The following MEIOC variants were observed in gnomAD, a reference collection of about 807,000 sequenced individuals.
MEIOC encodes meiosis specific with coiled-coil domain.
Under a neutral mutation model 85.3 loss-of-function variants are expected in MEIOC, and 9 were observed. The observed-to-expected ratio is 0.11, with a 90% CI of 0.06 to 0.18. The LOEUF is 0.18. Ranked by LOEUF, MEIOC falls within the 10% of genes least tolerant of loss-of-function variation. The probability of loss-of-function intolerance (pLI) is 1.00; values close to 1 mark genes in which losing one functional copy is unlikely to be tolerated. For synonymous variants in MEIOC, 365 were observed against 393.7 expected, an observed-to-expected ratio of 0.93 and a Z score of 0.86; for missense variants, 898 against 1,129.4, an observed-to-expected ratio of 0.80 and a Z score of 2.94.
In MEIOC at chr17:44,674,211, AAAG is replaced by A. The variant is rs755105809; in HGVS notation, c.*21_*23del. ...ACAAACATTAAGGAAATGCCAGCAG[AAAG>A]AAGAATAAAAAGCTGATAAATATAC... On this transcript the variant is annotated 3_prime_UTR_variant, in exon 8 of 8. Coordinates refer to ENST00000409122, the MANE Select transcript of MEIOC (RefSeq NM_001145080.3). The A allele has an allele frequency of 4.4e-4, 671 of 1,536,270 alleles. 8 individuals carry two copies. The highest frequency in any genetic ancestry group is 3.4e-3 in the East Asian group (138 of 40,742).
rs1971757611 is a variant in MEIOC, at chr17:44,656,558, A to G, written c.-56A>G. Reference sequence around the variant, plus strand: ...GGAGCCGGGCCTGGACGCCCCCCCCATCACCCCCGTACCCCAGGAGCTGTG... The same window carrying G: ...GGAGCCGGGCCTGGACGCCCCCCCCGTCACCCCCGTACCCCAGGAGCTGTG... On this transcript the variant is annotated 5_prime_UTR_variant, in exon 1 of 8. Coordinates refer to ENST00000409122, the MANE Select transcript of MEIOC (RefSeq NM_001145080.3). 8.2e-7 allele frequency: 1 copy of G among 1,225,268 alleles called. No homozygotes were observed. Among genetic ancestry groups the G allele is most frequent in the African/African-American group, 1.6e-5 (1 of 61,592 alleles). 75.9% of individuals were successfully genotyped at this position (1,225,268 alleles called of 1,614,324 possible).
At chr17:44,657,058 C>T in intron 1 of MEIOC, 69 bp from the exon 2 acceptor site, 14 of 1,495,440 alleles carry the variant, frequency 9.4e-6, no homozygotes, top group Non-Finnish European at 1.2e-5. Flanking sequence ...GAACAGGTGT[C>T]GGGCCGTTTC....
intron 2 of MEIOC, among the ~76,000 whole-genome samples, chr17:44,660,391 C>T (rs749050810): frequency 2.6e-5 from 4 of 152,044 alleles, no homozygotes; most frequent in Non-Finnish European, 4.4e-5. Flanking sequence ...CAGGCACCTG[C>T]CACCACACCT....
At position 44,674,138 on chromosome 17, in the gene MEIOC, A is replaced by G. The variant is rs745376874; in HGVS notation, c.2801A>G (p.His934Arg). 12 of 1,551,672 alleles carry G rather than the reference A, an allele frequency of 7.7e-6. No individual in the cohort carries two copies. Among genetic ancestry groups the G allele is most frequent in the Admixed American group, 2.0e-5 (1 of 50,994 alleles). Residue 934 changes from histidine (H) to arginine (R), a missense_variant, in exon 8 of 8, where the codon CAT becomes CGT. Around this residue, in one of 2 missense-constraint regions of MEIOC, gnomAD observed 164 missense variants for 269.2 expected, o/e 0.61. Coordinates refer to ENST00000409122, the MANE Select transcript of MEIOC (RefSeq NM_001145080.3). ...QDTVNCEDKV[H>R]ESINSSNPMN... ...ACAGTAAACTGTGAAGATAAAGTCC[A>G]TGAAAGCATAAATAGTAGCAATCCA...
rs765365627 is a variant in MEIOC at position 44,666,488 on chromosome 17, C to A, written c.577C>A (p.Gln193Lys). 3 of 1,594,400 alleles carry A rather than the reference C, an allele frequency of 1.9e-6. No individual in the cohort carries two copies. The Admixed American group carries it at 5.3e-5, about 28-fold the overall frequency. Residue 193 changes from glutamine to lysine, a missense_variant, in exon 5 of 8, where the codon CAA becomes AAA. By Grantham distance (53) the Gln-to-Lys change is moderately conservative (BLOSUM62 1). Coordinates refer to ENST00000409122, the MANE Select transcript of MEIOC (RefSeq NM_001145080.3). Reference sequence around the variant, plus strand: ...GCCAATAGATACAGTCATCTCTCAGCAAGCTTTTTATAGTGATGAATCTGT... The same window carrying A: ...GCCAATAGATACAGTCATCTCTCAGAAAGCTTTTTATAGTGATGAATCTGT... ...KRPIDTVISQQAFYSDESVSA... is the reference protein window; with the variant it reads ...KRPIDTVISQKAFYSDESVSA...
At chr17:44,661,073 T>C (rs1598725147) in intron 2 of MEIOC, among the ~76,000 whole-genome samples, 1 of 151,998 alleles carries the variant, frequency 6.6e-6, no homozygotes, top group African/African-American at 2.4e-5. Context: ...TCACTTGAGG[T>C]CAGGATTTGA....
intron 5 of MEIOC, 46 bp from the exon 6 acceptor site, chr17:44,669,337 C>G: frequency 7.0e-7 from 1 of 1,433,302 alleles, no homozygotes; most frequent in Non-Finnish European, 9.5e-7. Context: ...ATGGTCGAAT[C>G]ATATTTAGAA....
At position 44,656,617 on chromosome 17, in the gene MEIOC, G is replaced by C; in HGVS notation, c.4G>C (p.Glu2Gln). 6.8e-7 allele frequency: 1 copy of C among 1,479,698 alleles called. No homozygotes were observed. Among genetic ancestry groups the C allele is most frequent in the Non-Finnish European group, 9.0e-7 (1 of 1,113,618 alleles). The allele number at this position is 1,479,698 out of a possible 1,614,324, so 91.7% of individuals were successfully genotyped here. A position where few individuals can be genotyped will look rare whatever the true frequency, so the allele number is the denominator to read the frequency against. Residue 2 changes from glutamate (E) to glutamine (Q), a missense_variant, in exon 1 of 8, where the codon GAG (glutamate) becomes CAG (glutamine). Coordinates refer to ENST00000409122, the MANE Select transcript of MEIOC (RefSeq NM_001145080.3). ...AGGAGAGGCTGGGGGGCGCCCCATG[G>C]AGGTGAGACGCGGAGACACCTGCCC... MEVRRGDTCPRP... is the reference protein window; with the variant it reads MQVRRGDTCPRP...
rs562713235 is a variant in MEIOC at position 44,657,427 on chromosome 17, A to G, written c.204+166A>G. On this transcript the variant is annotated intron_variant, in intron 2 of 7. Coordinates refer to ENST00000409122, the MANE Select transcript of MEIOC (RefSeq NM_001145080.3). ...GAGACAGAGTCTTGCTCTGTCTCCTAGGCTGGAGTGCAGTGGCGCCATCTC... is the reference window on the plus strand; with the variant it reads ...GAGACAGAGTCTTGCTCTGTCTCCTGGGCTGGAGTGCAGTGGCGCCATCTC... Among the ~76,000 whole-genome samples, 12 of 125,216 alleles carry G rather than the reference A, an allele frequency of 9.6e-5. No homozygotes were observed. In the South Asian group the frequency reaches 1.3e-3, roughly 14 times the overall value. 82.1% of individuals were successfully genotyped at this position (125,216 alleles called of 152,430 possible). A position where few individuals can be genotyped will look rare whatever the true frequency, so the allele number is the denominator to read the frequency against.
At chr17:44,656,892 C>A (rs1971765241) in intron 1 of MEIOC, among the ~76,000 whole-genome samples, 1 of 146,516 alleles carries the variant, frequency 6.8e-6, no homozygotes, top group South Asian at 2.1e-4. Context: ...TCCCGGGAGG[C>A]AGCCGTCGCG....
chr17:44,662,837 CCTTTT>C (rs1208191403), intron 3 of MEIOC, among the ~76,000 whole-genome samples: 1 of 152,044 alleles, frequency 6.6e-6, no homozygotes, highest in African/African-American at 2.4e-5. Context: ...AAATTTGTTG[CCTTTT>C]CTTTTTAAGA....
intron 3 of MEIOC, chr17:44,665,163 T>C (rs1422582481): frequency 8.4e-6 from 9 of 1,076,942 alleles, no homozygotes; most frequent in Non-Finnish European, 7.9e-6. Flanking sequence ...AAGTTAGATA[T>C]AGGATTTGAA....
downstream of MEIOC, among the ~76,000 whole-genome samples, chr17:44,676,493 C>T (rs778013854): frequency 5.9e-5 from 9 of 152,146 alleles, no homozygotes; most frequent in Non-Finnish European, 1.2e-4. Flanking sequence ...TGGCCTAAAA[C>T]TCAATCTTAC....
intron 5 of MEIOC, among the ~76,000 whole-genome samples, chr17:44,668,448 TTCC>T (rs1241768343): frequency 2.0e-5 from 3 of 152,150 alleles, no homozygotes; most frequent in African/African-American, 7.2e-5. Flanking sequence ...CAAGCAATCC[TTCC>T]TCCTCCTGAG....
Position 44,674,770 on chromosome 17 carries a change from A to C in MEIOC, c.*574A>C. The stretch of plus-strand genomic sequence containing the variant: ...ACCATATTTATAAATTTGGAATCTT[A>C]ATGCCTAGGTATATGGAGGGAAATG... On this transcript the variant is annotated 3_prime_UTR_variant, in exon 8 of 8. Coordinates refer to ENST00000409122, the MANE Select transcript of MEIOC (RefSeq NM_001145080.3). 1.0e-6 allele frequency: 1 copy of C among 980,786 alleles called. No individual in the cohort carries two copies. The highest frequency in any genetic ancestry group is 4.7e-5 in the South Asian group (1 of 21,200). The allele number at this position is 980,786 out of a possible 1,614,324, so 60.8% of individuals were successfully genotyped here.
At chr17:44,656,715 C>G in intron 1 of MEIOC, 33 bp downstream of exon 1, 2 of 1,460,978 alleles carry the variant, frequency 1.4e-6, no homozygotes, top group South Asian at 2.7e-5. Context: ...GTCCAGGGGG[C>G]GGCCAGACTT....
chr17:44,667,897 G>A lies in MEIOC; in HGVS notation c.1986G>A (p.Val662=). 1.9e-6 allele frequency: 3 copies of A among 1,613,890 alleles called. No homozygotes were observed. Among genetic ancestry groups the A allele is most frequent in the Non-Finnish European group, 2.5e-6 (3 of 1,179,840 alleles). Residue 662 remains valine, a synonymous_variant, in exon 5 of 8, where the codon GTG becomes GTA. Transcript: ENST00000409122. The stretch of plus-strand genomic sequence containing the variant: ...ATAGCCGTGTGAATCGCACACAAGT[G>A]TCATGCTTTTCTAATAATTATATGA... ...GDNSRVNRTQ[V]SCFSNNYMMG...
chr17:44,669,493 G>T lies in MEIOC; in HGVS notation c.2433G>T (p.Val811=), dbSNP rs1191394749. 3 of 1,553,502 alleles carry T rather than the reference G, an allele frequency of 1.9e-6. No individual in the cohort carries two copies. Among genetic ancestry groups the T allele is most frequent in the South Asian group, 2.4e-5 (2 of 84,126 alleles). ...SNPSRVDRLI[V]DELRELARVV... ...CATCTAGAGTTGATCGCTTAATTGT[G>T]GATGAACTTCGAGAACTAGCCAGAG... Residue 811 remains valine, a synonymous_variant, in exon 6 of 8, where the codon GTG becomes GTT. Coordinates refer to ENST00000409122, the MANE Select transcript of MEIOC (RefSeq NM_001145080.3).
rs1347638345 is a variant in MEIOC, at chr17:44,674,107, C to A, written c.2770C>A (p.Gln924Lys). 1.4e-5 allele frequency: 21 copies of A among 1,551,570 alleles called. No individual in the cohort carries two copies. The East Asian group carries it at 4.2e-4, about 31-fold the overall frequency. Reference sequence around the variant, plus strand: ...TACAGCTGATGTGGTAAAGCCTTTACAAGATACAGTAAACTGTGAAGATAA... The same window carrying A: ...TACAGCTGATGTGGTAAAGCCTTTAAAAGATACAGTAAACTGTGAAGATAA... Reference protein sequence around the residue: ...ASTADVVKPLQDTVNCEDKVH... With the variant: ...ASTADVVKPLKDTVNCEDKVH... Residue 924 changes from glutamine to lysine, a missense_variant, in exon 8 of 8, where the codon CAA becomes AAA. By Grantham distance (53) the Gln-to-Lys change is moderately conservative. Transcript: ENST00000409122.
Sources: allele counts gnomAD v4.1 joint callset (sites outside exome capture counted in the v4.1 genomes callset), GRCh38; gene constraint gnomAD v4.1.1; regional missense constraint gnomAD v4.1.1; transcripts MANE v1.5; gene names NCBI Gene and HGNC (gene_info 2026-07-23, HGNC 2026-07-21).